Variants in FAT2 observed in about 807,000 individuals in gnomAD.
The protein encoded by FAT2 is protocadherin Fat 2.
In FAT2, 150 loss-of-function variants were observed where a neutral mutation model predicts 295.3. The observed-to-expected ratio is 0.51, with a 90% confidence interval of 0.44 to 0.58. The LOEUF is 0.58. Ranked by LOEUF, FAT2 falls within the 20% of genes least tolerant of loss-of-function variation. The pLI is 0.00. For missense variants in FAT2, 4,868 were observed against 5,442.7 expected (o/e 0.89, Z 3.32); for synonymous variants, 2,026 against 2,150.3 (o/e 0.94, Z 1.60).
In FAT2 at chr5:151,537,911, A is replaced by G. The variant is rs778975089; in HGVS notation, c.9075T>C (p.Phe3025=). The G allele has an allele frequency of 4.3e-6, 7 of 1,614,200 alleles. No individual in the cohort carries two copies. The South Asian group carries it at 7.7e-5, about 18-fold the overall frequency. ...AAACCTTCAAAATGAAGTGTCCTGGAAATACATCTTCATGAACCTTGCCAG... is the reference window on the plus strand; with the variant it reads ...AAACCTTCAAAATGAAGTGTCCTGGGAATACATCTTCATGAACCTTGCCAG... ...LYTGKVHEDV[F]PGHFILKVSA... Residue 3025 remains phenylalanine (F), a synonymous_variant, in exon 12 of 24, where the codon TTT becomes TTC. Coordinates refer to ENST00000261800, the MANE Select transcript of FAT2 (RefSeq NM_001447.3).
chr5:151,527,098 C>G, intron 17 of FAT2, 136 bp downstream of exon 17: 2 of 842,200 alleles, frequency 2.4e-6, no homozygotes, highest in East Asian at 5.0e-5. Flanking sequence ...CTCCAGCAGT[C>G]TGTGTTGCCT....
rs752729730 is a variant in FAT2, at chr5:151,567,388, G to A, written c.1544C>T (p.Ser515Phe). The A allele has an allele frequency of 6.2e-7, 1 of 1,613,978 alleles. No homozygotes were observed. Among genetic ancestry groups the A allele is most frequent in the East Asian group, 2.2e-5 (1 of 44,894 alleles). ...TTCATAGTCCATGGGTTTGGAGGTG[G>A]AGATGATCCCCAGGTAGGGGTCAAT... ...FSIDPYLGII[S>F]TSKPMDYELM... The change falls in exon 2 of 24, where the codon TCC becomes TTC. Residue 515 changes from serine (S) to phenylalanine (F), a missense_variant. This residue lies in a region of FAT2 where 3,297 missense variants were observed against 3,669.4 expected (regional missense o/e 0.90). Coordinates refer to ENST00000261800, the MANE Select transcript of FAT2 (RefSeq NM_001447.3).
chr5:151,568,556 A>G lies in FAT2; in HGVS notation c.376T>C (p.Leu126=), dbSNP rs370129295. 1 of 1,613,932 alleles carries G rather than the reference A, an allele frequency of 6.2e-7. No individual in the cohort carries two copies. The highest frequency in any genetic ancestry group is 1.3e-5 in the African/African-American group (1 of 74,884). ...ACACGGGTCAAAGCTTCCAACTCCA[A>G]GGTCTTCTCTGTGGCTTGGATGATG... is the stretch of plus-strand genomic sequence containing the variant. ...TLIIQATEKT[L]ELEALTRVVV... is the part of the protein sequence containing the mutation. The change falls in exon 2 of 24, where the codon TTG becomes CTG. Residue 126 remains leucine, a synonymous_variant. Coordinates refer to ENST00000261800, the MANE Select transcript of FAT2 (RefSeq NM_001447.3).
Position 151,542,479 on chromosome 5 carries a change from G to A in FAT2, c.8648C>T (p.Thr2883Ile), listed in dbSNP as rs760539294. ...CAGGGCCTGAGAGGATAGCTGGATG[G>A]TCTGTCCGTGGTCATAGGCCACCAC... Reference protein sequence around the residue: ...FHVVAYDHGQTIQLSSQALVQ... With the variant: ...FHVVAYDHGQIIQLSSQALVQ... Residue 2883 changes from threonine (T) to isoleucine (I), a missense_variant, in exon 10 of 24, where the codon ACC (threonine) becomes ATC (isoleucine). Thr to Ile is a moderately conservative substitution (Grantham distance 89). This residue lies in a region of FAT2 where 3,297 missense variants were observed against 3,669.4 expected (regional missense o/e 0.90). Coordinates refer to ENST00000261800, the MANE Select transcript of FAT2 (RefSeq NM_001447.3). 4 of 1,614,218 alleles carry A rather than the reference G, an allele frequency of 2.5e-6. No homozygotes were observed. In the South Asian group the frequency reaches 4.4e-5, roughly 18 times the overall value.
At chr5:151,517,492 A>G in intron 20 of FAT2, 128 bp downstream of exon 20, 1 of 1,177,816 alleles carries the variant, frequency 8.5e-7, no homozygotes, top group Non-Finnish European at 1.2e-6. Flanking sequence ...AGTCACACCC[A>G]GAATCCCTGA....
At chr5:151,515,167 C>G (rs1561816839) in intron 20 of FAT2, among the ~76,000 whole-genome samples, 1 of 152,160 alleles carries the variant, frequency 6.6e-6, no homozygotes, top group Non-Finnish European at 1.5e-5. Context: ...GCAGATCACC[C>G]AACAGATCAC....
At chr5:151,525,432 T>A (rs1431131958) in intron 18 of FAT2, among the ~76,000 whole-genome samples, 1 of 152,204 alleles carries the variant, frequency 6.6e-6, no homozygotes. Flanking sequence ...AGAGGGTGTT[T>A]TGCCCAGGCA....
In FAT2 at chr5:151,510,161, T is replaced by C. The variant is rs1263706213; in HGVS notation, c.11919A>G (p.Lys3973=). Residue 3973 remains lysine (K), a synonymous_variant, in exon 22 of 24, where the codon AAA becomes AAG. Coordinates refer to ENST00000261800, the MANE Select transcript of FAT2 (RefSeq NM_001447.3). ...GCTTCCCAGAGAACTGTGGGGGACATTTGCAGACATAGCCTAGGAGAAAAA... is the reference window on the plus strand; with the variant it reads ...GCTTCCCAGAGAACTGTGGGGGACACTTGCAGACATAGCCTAGGAGAAAAA... ...SWTHGAGYVC[K]CPPQFSGKHC... The C allele has an allele frequency of 6.2e-7, 1 of 1,614,056 alleles. No individual in the cohort carries two copies. Among genetic ancestry groups the C allele is most frequent in the Admixed American group, 1.7e-5 (1 of 60,026 alleles).
intron 20 of FAT2, among the ~76,000 whole-genome samples, chr5:151,515,006 C>T (rs1214084926): frequency 6.6e-6 from 1 of 152,154 alleles, no homozygotes; most frequent in Non-Finnish European, 1.5e-5. Context: ...GTTGTCTTCA[C>T]CTCAGTTTTC....
At chr5:151,579,558 C>T (rs1315168154) in intron 1 of FAT2, among the ~76,000 whole-genome samples, 1 of 152,026 alleles carries the variant, frequency 6.6e-6, no homozygotes, top group Non-Finnish European at 1.5e-5. Flanking sequence ...GGTTACAGAG[C>T]AAGACCCTAT....
In FAT2 at chr5:151,544,515, G is replaced by A. The variant is rs1756437832; in HGVS notation, c.6612C>T (p.Ile2204=). The A allele has an allele frequency of 6.2e-7, 1 of 1,614,148 alleles. No individual in the cohort carries two copies. The highest frequency in any genetic ancestry group is 2.2e-5 in the East Asian group (1 of 44,878). ...AGGGTTCTTCCTCCACAATGTTGTA[G>A]ATGAGCCGGAGTCCCTCTGGACTCC... ...QARSPEGLRL[I]YNIVEEEPLM... Residue 2204 remains isoleucine (I), a synonymous_variant, in exon 10 of 24, where the codon ATC becomes ATT. Coordinates refer to ENST00000261800, the MANE Select transcript of FAT2 (RefSeq NM_001447.3).
At chr5:151,522,490 G>A (rs1350839225) in intron 18 of FAT2, among the ~76,000 whole-genome samples, 1 of 152,322 alleles carries the variant, frequency 6.6e-6, no homozygotes, top group Non-Finnish European at 1.5e-5. Flanking sequence ...ACCCTGCTCA[G>A]CCTACGAAAA....
Position 151,512,640 on chromosome 5 carries a change from C to T in FAT2, c.11464-34G>A, listed in dbSNP as rs779865392. On this transcript the variant is annotated intron_variant, in intron 20 of 23. Transcript: ENST00000261800. The surrounding 1 kb of genome is among the most constrained non-coding windows in gnomAD (Gnocchi z 4.1). The stretch of plus-strand genomic sequence containing the variant: ...GAAATCCAAACAGCCATCAGCAAAG[C>T]CAAGGAGTCCTTGTAAACCTGCTAA... The T allele has an allele frequency of 5.2e-6, 8 of 1,541,082 alleles. No individual in the cohort carries two copies. In the African/African-American group the frequency reaches 9.6e-5, roughly 18 times the overall value.
chr5:151,565,667 C>T lies in FAT2; in HGVS notation c.3259+6G>A, dbSNP rs1758222482. ...CTGGCACCCCACCCTACCCCACCCCCAGTACCTGTATCTTGGTTGATGCTG... is the reference window on the plus strand; with the variant it reads ...CTGGCACCCCACCCTACCCCACCCCTAGTACCTGTATCTTGGTTGATGCTG... On this transcript the variant is annotated splice_donor_region_variant and intron_variant, in intron 2 of 23. Transcript: ENST00000261800. 1 of 1,563,174 alleles carries T rather than the reference C, an allele frequency of 6.4e-7. No individual in the cohort carries two copies. Among genetic ancestry groups the T allele is most frequent in the Non-Finnish European group, 8.7e-7 (1 of 1,146,608 alleles).
intron 1 of FAT2, among the ~76,000 whole-genome samples, chr5:151,580,631 TTC>T (rs1758915918): frequency 6.6e-6 from 1 of 152,170 alleles, no homozygotes; most frequent in South Asian, 2.1e-4. Flanking sequence ...GTGACGTTCC[TTC>T]TCTCTTTGCA....
At chr5:151,590,438 T>C (rs1423910845) in intron 1 of FAT2, among the ~76,000 whole-genome samples, 2 of 152,166 alleles carry the variant, frequency 1.3e-5, no homozygotes, top group Non-Finnish European at 2.9e-5. Context: ...AGCGTTCCAC[T>C]CTGGCTCTCC....
intron 22 of FAT2, 180 bp downstream of exon 22, chr5:151,509,841 A>G: frequency 1.5e-6 from 1 of 656,216 alleles, no homozygotes; most frequent in Non-Finnish European, 2.7e-6. Flanking sequence ...AGTGTCTTCC[A>G]TGAAACCGGT....
At position 151,531,335 on chromosome 5, in the gene FAT2, AG is replaced by A. The variant is rs1754570712; in HGVS notation, c.9811+251del. On this transcript the variant is annotated intron_variant, in intron 14 of 23. Transcript: ENST00000261800. The surrounding 1 kb of genome is among the most constrained non-coding windows in gnomAD (Gnocchi z 5.7). Reference sequence around the variant, plus strand: ...TGTGTGGGAGGAGAGTGGATCACTGAGGGTCCTGGACACAGAGACCTGGCTG... The same window carrying A: ...TGTGTGGGAGGAGAGTGGATCACTGAGGTCCTGGACACAGAGACCTGGCTG... 6.6e-6 allele frequency among the ~76,000 whole-genome samples: 1 copy of A among 152,152 alleles called. No individual in the cohort carries two copies. Among genetic ancestry groups the A allele is most frequent in the South Asian group, 2.1e-4 (1 of 4,826 alleles).
intron 1 of FAT2, among the ~76,000 whole-genome samples, chr5:151,582,379 G>A (rs1758993994): frequency 6.6e-6 from 1 of 152,194 alleles, no homozygotes; most frequent in Non-Finnish European, 1.5e-5. Context: ...CATCCGCAAA[G>A]CTGGCCGGTG....
Sources: allele counts gnomAD v4.1 joint callset (sites outside exome capture counted in the v4.1 genomes callset), GRCh38; gene constraint gnomAD v4.1.1; regional missense constraint gnomAD v4.1.1; non-coding constraint Gnocchi (gnomAD v3.1); transcripts MANE v1.5; gene names NCBI Gene and HGNC (gene_info 2026-07-23, HGNC 2026-07-21).